GALNT13: variants seen among roughly 807,000 people sequenced by gnomAD.
The protein encoded by GALNT13 is polypeptide N-acetylgalactosaminyltransferase 13.
A neutral mutation model predicts 64.2 loss-of-function variants in GALNT13; 28 were observed. That is an observed-to-expected ratio of 0.44 (90% CI 0.32 to 0.60). GALNT13 has a LOEUF of 0.60. GALNT13 is among the 20% of genes least tolerant of loss of function. The pLI, the probability that GALNT13 is intolerant of heterozygous loss-of-function variation, is 0.05. For synonymous variants in GALNT13, 214 were observed against 224.6 expected (o/e 0.95, Z 0.42); for missense variants, 577 against 669.8 (o/e 0.86, Z 1.53).
At chr2:153,986,014 T>C (rs1694772262) in intron 3 of GALNT13, among the ~76,000 whole-genome samples, 1 of 152,072 alleles carries the variant, frequency 6.6e-6, no homozygotes, top group African/African-American at 2.4e-5. Context: ...TATAAGTGTA[T>C]CTACAAGAAG....
At chr2:154,258,893 G>A in intron 7 of GALNT13, 128 bp from the exon 8 acceptor site, 1 of 566,934 alleles carries the variant, frequency 1.8e-6, no homozygotes, top group Non-Finnish European at 3.1e-6. Context: ...CTTACACCTT[G>A]ACTTTGTGTT....
intron 9 of GALNT13, among the ~76,000 whole-genome samples, chr2:154,340,162 C>G (rs1210795968): frequency 6.6e-6 from 1 of 151,990 alleles, no homozygotes. Context: ...CTCTATTGCT[C>G]CAACTCTCTA....
At chr2:153,266,455 T>C in the GALNT13 span, among the ~76,000 whole-genome samples, 3 of 152,056 alleles carry the variant, frequency 2.0e-5, no homozygotes, top group Admixed American at 6.6e-5. Context: ...ACTGGGTAAT[T>C]TAAAAAGAAA....
the GALNT13 span, among the ~76,000 whole-genome samples, chr2:153,236,643 G>A: frequency 2.6e-5 from 4 of 152,158 alleles, no homozygotes; most frequent in Non-Finnish European, 4.4e-5. Flanking sequence ...TAAGCTGACT[G>A]TTGAGACCTA....
the GALNT13 span, among the ~76,000 whole-genome samples, chr2:153,129,383 C>T: frequency 6.6e-6 from 1 of 152,168 alleles, no homozygotes; most frequent in Admixed American, 6.5e-5. Flanking sequence ...TTTCTAGAAA[C>T]AATTCATTAC....
At chr2:153,801,718 T>C in the GALNT13 span, among the ~76,000 whole-genome samples, 1 of 152,160 alleles carries the variant, frequency 6.6e-6, no homozygotes, top group Non-Finnish European at 1.5e-5. Flanking sequence ...GAGCACCCAT[T>C]GTTGGAAAAT....
chr2:153,751,195 TTG>T, the GALNT13 span, among the ~76,000 whole-genome samples: 4 of 151,936 alleles, frequency 2.6e-5, no homozygotes, highest in Non-Finnish European at 5.9e-5. Flanking sequence ...TTTCAATTTT[TTG>T]TGTGTTTTAA....
the GALNT13 span, chr2:153,172,121 A>G: frequency 6.6e-6 from 1 of 152,234 alleles, no homozygotes; most frequent in Non-Finnish European, 1.5e-5. Context: ...AGGAGAGACA[A>G]AGACATATGG....
chr2:154,115,470 G>C (rs1188041521), intron 3 of GALNT13, among the ~76,000 whole-genome samples: 4 of 151,548 alleles, frequency 2.6e-5, no homozygotes. Context: ...ACCCAGGCTA[G>C]AGTGCAGTGG....
At chr2:153,205,042 G>A in the GALNT13 span, among the ~76,000 whole-genome samples, 1 of 152,150 alleles carries the variant, frequency 6.6e-6, no homozygotes, top group African/African-American at 2.4e-5. Context: ...GATTTTTTGT[G>A]ATGGTAAACG....
At chr2:154,155,700 G>A (rs1319071761) in intron 4 of GALNT13, among the ~76,000 whole-genome samples, 1 of 151,904 alleles carries the variant, frequency 6.6e-6, no homozygotes, top group Non-Finnish European at 1.5e-5. Flanking sequence ...AGCTTGCAAA[G>A]TCTCCCTGTA....
At position 153,910,337 on chromosome 2, in the gene GALNT13, T is replaced by C. The variant is rs181419839; in HGVS notation, c.-105+9330T>C. Among the ~76,000 whole-genome samples the C allele has an allele frequency of 3.0e-4, 45 of 152,196 alleles. No individual in the cohort carries two copies. In the East Asian group the frequency reaches 5.0e-3, roughly 17 times the overall value. On this transcript the variant is annotated intron_variant, in intron 2 of 12. Transcript: ENST00000392825. ...TTATCTTCTATCTTTTTCTCTTTAT[T>C]AGCCTAGCTAGTTTCTATCCATCTT...
At chr2:154,149,403 T>C (rs1440310318) in intron 4 of GALNT13, among the ~76,000 whole-genome samples, 8 of 151,938 alleles carry the variant, frequency 5.3e-5, no homozygotes, top group Non-Finnish European at 7.4e-5. Flanking sequence ...ATTGACTTGG[T>C]GGTGCGGGCT....
At chr2:154,127,002 G>T (rs1682321179) in intron 3 of GALNT13, among the ~76,000 whole-genome samples, 1 of 152,050 alleles carries the variant, frequency 6.6e-6, no homozygotes, top group Non-Finnish European at 1.5e-5. Flanking sequence ...CAATCTTAAA[G>T]GTCATTTCTA....
chr2:154,191,787 GTGAATGTTACAGCTCC>G (rs1686593390), intron 4 of GALNT13, among the ~76,000 whole-genome samples: 1 of 152,146 alleles, frequency 6.6e-6, no homozygotes, highest in Non-Finnish European at 1.5e-5. Flanking sequence ...GTGTCTAGGG[GTGAATGTTACAGCTCC>G]TGAGGCCCCA....
At chr2:153,955,426 A>C (rs1692495534) in intron 3 of GALNT13, among the ~76,000 whole-genome samples, 1 of 152,218 alleles carries the variant, frequency 6.6e-6, no homozygotes, top group African/African-American at 2.4e-5. Flanking sequence ...AAGAAAGTGA[A>C]GTACCAGGAG....
At chr2:154,369,141 A>G (rs1033439234) in intron 9 of GALNT13, among the ~76,000 whole-genome samples, 1 of 151,794 alleles carries the variant, frequency 6.6e-6, no homozygotes, top group South Asian at 2.1e-4. Context: ...TTAGGGAGAC[A>G]TATAAAAAAT....
At chr2:154,446,710 T>C (rs1439229677) in intron 12 of GALNT13, 3 of 1,545,804 alleles carry the variant, frequency 1.9e-6, no homozygotes, top group African/African-American at 2.7e-5. Context: ...AGAATGGAAA[T>C]TTTTAGAAAT....
the GALNT13 span, among the ~76,000 whole-genome samples, chr2:153,278,655 T>C: frequency 6.6e-6 from 1 of 152,068 alleles, no homozygotes; most frequent in African/African-American, 2.4e-5. Flanking sequence ...GTCAAAAATA[T>C]GGCTATAGGT....
Sources: allele counts gnomAD v4.1 joint callset (sites outside exome capture counted in the v4.1 genomes callset), GRCh38; gene constraint gnomAD v4.1.1; transcripts MANE v1.5; gene names NCBI Gene and HGNC (gene_info 2026-07-23, HGNC 2026-07-21).